The following LRRC37A2 variants were observed in gnomAD, a reference collection of about 807,000 sequenced individuals.
The protein encoded by LRRC37A2 is leucine rich repeat containing 37 member A2, also known as leucine-rich repeat-containing protein 37A2.
A neutral mutation model predicts 68.8 loss-of-function variants in LRRC37A2; 9 were observed. The ratio of observed to expected loss-of-function variants is 0.13; its 90% CI spans 0.08 to 0.23. The LOEUF (loss-of-function observed/expected upper bound fraction) is 0.23. LRRC37A2 is among the 10% of genes least tolerant of loss of function. LRRC37A2 has a pLI of 1.00. For missense variants in LRRC37A2, 168 were observed against 950.4 expected (o/e 0.18, Z 10.82); for synonymous variants, 63 against 367.6 (o/e 0.17, Z 9.48).
At chr17:46,797,266 T>A in the LRRC37A2 span, among the ~76,000 whole-genome samples, 1 of 152,184 alleles carries the variant, frequency 6.6e-6, no homozygotes. Context: ...GATGTCCTAC[T>A]CTGGCCCAAG....
chr17:46,738,223 T>C, the LRRC37A2 span, among the ~76,000 whole-genome samples: 1 of 152,106 alleles, frequency 6.6e-6, no homozygotes, highest in Non-Finnish European at 1.5e-5. Context: ...TGTGAGCCAT[T>C]ACACCCAGCC....
chr17:46,946,968 G>A, the LRRC37A2 span, among the ~76,000 whole-genome samples: 1 of 152,200 alleles, frequency 6.6e-6, no homozygotes, highest in Non-Finnish European at 1.5e-5. Context: ...AGTGAGAGGA[G>A]GCTGCAACTG....
chr17:46,978,549 C>A, the LRRC37A2 span: 1 of 1,449,558 alleles, frequency 6.9e-7, no homozygotes, highest in Non-Finnish European at 9.1e-7. Context: ...AGCTGCCCGC[C>A]CGGAGGCGGC....
At chr17:46,911,798 C>T in the LRRC37A2 span, among the ~76,000 whole-genome samples, 3,808 of 152,248 alleles carry the variant, frequency 0.025, 58 homozygotes, top group Middle Eastern at 0.078. Flanking sequence ...GCAGGAGAAT[C>T]GCTTGAACTG....
the LRRC37A2 span, among the ~76,000 whole-genome samples, chr17:47,001,261 G>A: frequency 1.3e-5 from 2 of 152,146 alleles, no homozygotes; most frequent in African/African-American, 2.4e-5. Flanking sequence ...GGAATACTAA[G>A]TATTGAAGCC....
chr17:47,016,153 C>T, the LRRC37A2 span, among the ~76,000 whole-genome samples: 2 of 152,044 alleles, frequency 1.3e-5, no homozygotes, highest in Non-Finnish European at 2.9e-5. Flanking sequence ...CCATGTTGGT[C>T]AGGCTGGTCT....
chr17:46,906,258 G>A, the LRRC37A2 span, among the ~76,000 whole-genome samples: 1 of 152,156 alleles, frequency 6.6e-6, no homozygotes, highest in Non-Finnish European at 1.5e-5. Context: ...CTCTTCTGGA[G>A]CATGGCTCCC....
At chr17:47,022,198 TC>T in the LRRC37A2 span, among the ~76,000 whole-genome samples, 1 of 43,904 alleles carries the variant, frequency 2.3e-5, no homozygotes, top group Non-Finnish European at 5.8e-5. Context: ...AGAGACAGGT[TC>T]TTACTTTGTC....
At chr17:46,998,327 T>C in the LRRC37A2 span, among the ~76,000 whole-genome samples, 12 of 152,344 alleles carry the variant, frequency 7.9e-5, no homozygotes, top group Non-Finnish European at 1.3e-4. Flanking sequence ...TAGCCTTGGC[T>C]GAGCCCCTTT....
the LRRC37A2 span, chr17:46,934,907 G>A: frequency 6.8e-4 from 587 of 867,464 alleles, 3 homozygotes; most frequent in African/African-American, 5.9e-3. Flanking sequence ...ATTAGGGTCC[G>A]CTGATTCTTT....
At chr17:46,906,169 C>G in the LRRC37A2 span, among the ~76,000 whole-genome samples, 2 of 152,186 alleles carry the variant, frequency 1.3e-5, no homozygotes, top group Non-Finnish European at 2.9e-5. Context: ...TGAAGGAGCT[C>G]TGTGTCCTGG....
chr17:46,861,054 G>C, the LRRC37A2 span, among the ~76,000 whole-genome samples: 2 of 152,208 alleles, frequency 1.3e-5, no homozygotes, highest in Admixed American at 6.5e-5. Flanking sequence ...GTGCGTGTTG[G>C]GGGGAAACTG....
the LRRC37A2 span, among the ~76,000 whole-genome samples, chr17:46,882,128 C>T: frequency 6.6e-6 from 1 of 152,166 alleles, no homozygotes; most frequent in Admixed American, 6.5e-5. Flanking sequence ...TGCCTTCCAG[C>T]CTGAGCGACA....
chr17:46,996,121 G>A, the LRRC37A2 span, among the ~76,000 whole-genome samples: 1 of 152,184 alleles, frequency 6.6e-6, no homozygotes, highest in East Asian at 1.9e-4. Context: ...TGTGCCCTTG[G>A]CTTCTGCCCT....
the LRRC37A2 span, chr17:46,933,723 A>G: frequency 6.6e-6 from 1 of 150,700 alleles, no homozygotes; most frequent in African/African-American, 2.4e-5. Context: ...CTGTGATCCC[A>G]GCACTTTGGG....
the LRRC37A2 span, among the ~76,000 whole-genome samples, chr17:46,944,668 C>T: frequency 2.0e-5 from 3 of 151,346 alleles, no homozygotes; most frequent in African/African-American, 4.9e-5. Context: ...GGTGCAATCT[C>T]GGCTCACTGC....
the LRRC37A2 span, among the ~76,000 whole-genome samples, chr17:46,718,470 A>G: frequency 6.6e-6 from 1 of 152,378 alleles, no homozygotes; most frequent in African/African-American, 2.4e-5. Flanking sequence ...TTATACTTGT[A>G]TCAAAATGGT....
chr17:46,759,859 C>T, the LRRC37A2 span, among the ~76,000 whole-genome samples: 125 of 152,246 alleles, frequency 8.2e-4, 3 homozygotes, highest in South Asian at 0.014. Flanking sequence ...CTAATTATGT[C>T]GTCTCTTTCA....
the LRRC37A2 span, among the ~76,000 whole-genome samples, chr17:46,884,233 C>T: frequency 2.0e-5 from 3 of 152,226 alleles, no homozygotes; most frequent in Non-Finnish European, 2.9e-5. Context: ...CCTCCGAGCC[C>T]GGGGTCACCT....
Sources: allele counts gnomAD v4.1 joint callset (sites outside exome capture counted in the v4.1 genomes callset), GRCh38; gene constraint gnomAD v4.1.1; transcripts MANE v1.5; gene names NCBI Gene and HGNC (gene_info 2026-07-23, HGNC 2026-07-21).